Variants in KCNIP4 observed in about 807,000 individuals in gnomAD.
KCNIP4 encodes the protein Kv channel-interacting protein 4.
KCNIP4 carries 12 observed loss-of-function variants against 34.0 expected under a neutral mutation model. The observed-to-expected ratio is 0.35, with a 90% CI of 0.23 to 0.57. The LOEUF (loss-of-function observed/expected upper bound fraction) is 0.57. KCNIP4 is among the 20% of genes least tolerant of loss of function. The probability of loss-of-function intolerance (pLI) is 0.83; values close to 1 mark genes in which losing one functional copy is unlikely to be tolerated. For synonymous variants in KCNIP4, 124 were observed against 102.2 expected (o/e 1.21, Z -1.29); for missense variants, 238 against 311.7 (o/e 0.76, Z 1.78).
rs190850956 is a variant in KCNIP4 at position 21,374,438 on chromosome 4, C to T, written c.62-491729G>A. The stretch of plus-strand genomic sequence containing the variant: ...TATTCACTACCATGAGAACAGTATG[C>T]GGGAAACCATACCCATGATTCAGTT... On this transcript the variant is annotated intron_variant, in intron 1 of 8. Transcript: ENST00000382152. 2.9e-4 allele frequency among the ~76,000 whole-genome samples: 43 copies of T among 147,022 alleles called. 3 individuals are homozygous for T. Among genetic ancestry groups the T allele is most frequent in the Admixed American group, 1.8e-3 (27 of 15,198 alleles).
intron 1 of KCNIP4, among the ~76,000 whole-genome samples, chr4:21,621,079 G>A (rs1218651246): frequency 6.6e-6 from 1 of 152,148 alleles, no homozygotes; most frequent in Non-Finnish European, 1.5e-5. Context: ...ACAGACAAAT[G>A]CCTACAATGG....
chr4:21,731,432 A>ACATTGTGAG (rs1715594520), intron 1 of KCNIP4, among the ~76,000 whole-genome samples: 1 of 152,178 alleles, frequency 6.6e-6, no homozygotes, highest in Admixed American at 6.5e-5. Context: ...AAAGATCTAA[A>ACATTGTGAG]AGTAAAATAT....
intron 3 of KCNIP4, among the ~76,000 whole-genome samples, chr4:20,847,168 T>C (rs1167713750): frequency 6.6e-6 from 1 of 152,178 alleles, no homozygotes; most frequent in Non-Finnish European, 1.5e-5. Flanking sequence ...TTGAACTTCA[T>C]GTTTATTATA....
At chr4:21,036,842 A>G (rs779080723) in intron 1 of KCNIP4, among the ~76,000 whole-genome samples, 77 of 152,370 alleles carry the variant, frequency 5.1e-4, no homozygotes, top group Admixed American at 1.8e-3. Context: ...CACATGTATG[A>G]TGATGGTCCC....
At chr4:21,144,276 TAA>T (rs1479725349) in intron 1 of KCNIP4, among the ~76,000 whole-genome samples, 4 of 152,196 alleles carry the variant, frequency 2.6e-5, no homozygotes, top group African/African-American at 9.6e-5. Context: ...CATACCATGC[TAA>T]AGAGTTAAAT....
intron 1 of KCNIP4, among the ~76,000 whole-genome samples, chr4:21,149,365 G>A (rs1203084708): frequency 2.0e-5 from 3 of 152,062 alleles, no homozygotes; most frequent in African/African-American, 4.8e-5. Context: ...GGAGCTTTAG[G>A]ACCCATCTTG....
At chr4:21,174,097 G>A (rs938682497) in intron 1 of KCNIP4, among the ~76,000 whole-genome samples, 3 of 152,094 alleles carry the variant, frequency 2.0e-5, no homozygotes, top group South Asian at 2.1e-4. Context: ...CTAAGTTGGC[G>A]GTTAGTTGAG....
intron 1 of KCNIP4, among the ~76,000 whole-genome samples, chr4:21,709,906 G>T (rs1229389720): frequency 6.6e-6 from 1 of 152,196 alleles, no homozygotes; most frequent in African/African-American, 2.4e-5. Flanking sequence ...TGCCAAAAGA[G>T]AAGCACATAT....
chr4:20,774,854 C>A (rs1472092055), intron 3 of KCNIP4, among the ~76,000 whole-genome samples: 1 of 152,064 alleles, frequency 6.6e-6, no homozygotes, highest in African/African-American at 2.4e-5. Flanking sequence ...TAATTTGGGG[C>A]CTGCTAGTTA....
chr4:20,874,751 T>G lies in KCNIP4; in HGVS notation c.163+7857A>C, dbSNP rs189647721. On this transcript the variant is annotated intron_variant, in intron 2 of 8. Coordinates refer to ENST00000382152, the MANE Select transcript of KCNIP4 (RefSeq NM_025221.6). ...TGTGATCTGCCATTATCAAAGGGGTTTTATGAAAATGAAATATTCAAAAGA... is the reference window on the plus strand; with the variant it reads ...TGTGATCTGCCATTATCAAAGGGGTGTTATGAAAATGAAATATTCAAAAGA... Among the ~76,000 whole-genome samples, 155 of 152,204 alleles carry G rather than the reference T, an allele frequency of 1.0e-3. 2 individuals are homozygous for G. Among genetic ancestry groups the G allele is most frequent in the Admixed American group, 5.0e-3 (77 of 15,268 alleles).
intron 1 of KCNIP4, among the ~76,000 whole-genome samples, chr4:21,537,455 C>G (rs1737276382): frequency 6.6e-6 from 1 of 152,090 alleles, no homozygotes; most frequent in African/African-American, 2.4e-5. Context: ...TCTGAAAGTA[C>G]AGGAACCTCT....
chr4:21,812,354 G>A lies in KCNIP4; in HGVS notation c.61+136217C>T, dbSNP rs546471169. Among the ~76,000 whole-genome samples, 4 of 152,118 alleles carry A rather than the reference G, an allele frequency of 2.6e-5. 1 individual carries two copies. In the East Asian group the frequency reaches 7.7e-4, roughly 29 times the overall value. ...AACAAATGTAATGGTGGGAATCCAGGCACAGATATTTAAATTAATACTCTA... is the reference window on the plus strand; with the variant it reads ...AACAAATGTAATGGTGGGAATCCAGACACAGATATTTAAATTAATACTCTA... On this transcript the variant is annotated intron_variant, in intron 1 of 8. Coordinates refer to ENST00000382152, the MANE Select transcript of KCNIP4 (RefSeq NM_025221.6).
intron 1 of KCNIP4, among the ~76,000 whole-genome samples, chr4:21,441,898 T>G (rs1727513879): frequency 6.6e-6 from 1 of 152,202 alleles, no homozygotes; most frequent in Non-Finnish European, 1.5e-5. Flanking sequence ...GGAGAAAGAT[T>G]TAATATTTGT....
intron 1 of KCNIP4, among the ~76,000 whole-genome samples, chr4:21,322,500 G>A (rs560219355): frequency 6.6e-6 from 1 of 152,150 alleles, no homozygotes; most frequent in African/African-American, 2.4e-5. Context: ...ATACCATCCT[G>A]GCACACATTC....
intron 2 of KCNIP4, among the ~76,000 whole-genome samples, chr4:20,882,033 G>A (rs1321054543): frequency 2.6e-5 from 4 of 152,156 alleles, no homozygotes; most frequent in African/African-American, 7.2e-5. Context: ...GTGTGTATAT[G>A]CATGTGTATG....
intron 1 of KCNIP4, among the ~76,000 whole-genome samples, chr4:21,379,786 G>T (rs1171322013): frequency 2.6e-5 from 4 of 152,008 alleles, no homozygotes; most frequent in Non-Finnish European, 5.9e-5. Flanking sequence ...ATTCATGCTT[G>T]GCCTTCCTGT....
chr4:21,807,354 C>T (rs1276010038), intron 1 of KCNIP4, among the ~76,000 whole-genome samples: 2 of 152,164 alleles, frequency 1.3e-5, no homozygotes, highest in Non-Finnish European at 2.9e-5. Context: ...TTCTGTCCTG[C>T]ATCTGGTAAT....
rs185733053 is a variant in KCNIP4, at chr4:21,401,054, G to A, written c.62-518345C>T. ...TGGGGGCCCGTAATCCTAGCTACTC[G>A]GGAGGCTGAGGCAGGAGAGTCGCTT... On this transcript the variant is annotated intron_variant, in intron 1 of 8. Transcript: ENST00000382152. Among the ~76,000 whole-genome samples, 124 of 152,154 alleles carry A rather than the reference G, an allele frequency of 8.1e-4. 1 individual carries two copies. In the East Asian group the frequency reaches 0.022, roughly 27 times the overall value.
chr4:21,737,771 T>C (rs1260365103), intron 1 of KCNIP4, among the ~76,000 whole-genome samples: 1 of 152,158 alleles, frequency 6.6e-6, no homozygotes, highest in Non-Finnish European at 1.5e-5. Flanking sequence ...CTGCGGAACC[T>C]AAAACCTAAG....
Sources: gnomAD v4.1 joint callset for allele counts (sites outside exome capture counted in the v4.1 genomes callset) on GRCh38, gnomAD v4.1.1 for gene constraint, MANE v1.5 for transcripts, NCBI Gene and HGNC (gene_info 2026-07-23, HGNC 2026-07-21) for gene names.